The following DRC11 variants were observed in gnomAD, a reference collection of about 807,000 sequenced individuals.
The protein encoded by DRC11 is IQ and AAA domain-containing protein 1.
chr2:236,383,390 C>T, the DRC11 span, among the ~76,000 whole-genome samples: 2 of 152,092 alleles, frequency 1.3e-5, no homozygotes, highest in Admixed American at 1.3e-4. Context: ...AGAAAACCAG[C>T]TCTTAGTTTT....
the DRC11 span, among the ~76,000 whole-genome samples, chr2:236,476,461 T>A: frequency 2.0e-4 from 30 of 152,348 alleles, no homozygotes; most frequent in East Asian, 5.0e-3. This position sits in a 1 kb window ranked among gnomAD's most constrained non-coding sequence, Gnocchi z 4.7. Flanking sequence ...ACAGTTTTTT[T>A]ATGGAATCTT....
chr2:236,480,695 C>T, the DRC11 span, among the ~76,000 whole-genome samples: 1 of 152,196 alleles, frequency 6.6e-6, no homozygotes, highest in South Asian at 2.1e-4. Flanking sequence ...GATCTGATGG[C>T]ACACATGTTG....
the DRC11 span, among the ~76,000 whole-genome samples, chr2:236,479,590 A>C: frequency 6.6e-6 from 1 of 152,228 alleles, no homozygotes; most frequent in Non-Finnish European, 1.5e-5. The surrounding 1 kb of genome is among the most constrained non-coding windows in gnomAD (Gnocchi z 4.1). Flanking sequence ...TTGATCACAA[A>C]GAAAGGCATA....
the DRC11 span, chr2:236,419,230 T>G: frequency 6.5e-7 from 1 of 1,545,320 alleles, no homozygotes; most frequent in Non-Finnish European, 8.7e-7. This position sits in a 1 kb window ranked among gnomAD's most constrained non-coding sequence, Gnocchi z 4.8. Flanking sequence ...TCTTTTTGTT[T>G]TTTTCTTCTT....
chr2:236,335,132 C>T, the DRC11 span, among the ~76,000 whole-genome samples: 10 of 152,288 alleles, frequency 6.6e-5, no homozygotes, highest in Non-Finnish European at 1.0e-4. The surrounding 1 kb of genome is among the most constrained non-coding windows in gnomAD (Gnocchi z 5.6). Context: ...GGAGTGGGGC[C>T]GCGGGGACTG....
the DRC11 span, among the ~76,000 whole-genome samples, chr2:236,502,449 C>T: frequency 2.8e-5 from 4 of 144,708 alleles, no homozygotes; most frequent in African/African-American, 7.6e-5. Context: ...TGGTGGCAGG[C>T]GCCTGTAATC....
chr2:236,485,832 G>A, the DRC11 span, among the ~76,000 whole-genome samples: 1 of 152,194 alleles, frequency 6.6e-6, no homozygotes, highest in African/African-American at 2.4e-5. Flanking sequence ...GGCTCGGGCA[G>A]AGGAGTCAGC....
At chr2:236,504,201 G>GGGC in the DRC11 span, among the ~76,000 whole-genome samples, 14,098 of 150,646 alleles carry the variant, frequency 0.094, 1,928 homozygotes, top group African/African-American at 0.3. The surrounding 1 kb of genome is among the most constrained non-coding windows in gnomAD (Gnocchi z 5.0). Flanking sequence ...CACGGCGGTG[G>GGGC]GGGGGGGCGT....
At chr2:236,330,984 C>G in the DRC11 span, among the ~76,000 whole-genome samples, 2 of 152,138 alleles carry the variant, frequency 1.3e-5, no homozygotes, top group African/African-American at 4.8e-5. This position sits in a 1 kb window ranked among gnomAD's most constrained non-coding sequence, Gnocchi z 5.5. Context: ...ATTGTGGGCC[C>G]CAAACAGCAT....
chr2:236,448,603 C>T, the DRC11 span, among the ~76,000 whole-genome samples: 4 of 150,770 alleles, frequency 2.7e-5, no homozygotes, highest in South Asian at 2.1e-4. This position sits in a 1 kb window ranked among gnomAD's most constrained non-coding sequence, Gnocchi z 5.3. Flanking sequence ...CCCAAATTGC[C>T]GGGATTACAG....
chr2:236,357,951 A>G, the DRC11 span, among the ~76,000 whole-genome samples: 2 of 115,292 alleles, frequency 1.7e-5, no homozygotes, highest in Admixed American at 9.9e-5. Flanking sequence ...TATAATATAT[A>G]AATATATATA....
chr2:236,414,377 G>A, the DRC11 span, among the ~76,000 whole-genome samples: 3 of 152,182 alleles, frequency 2.0e-5, no homozygotes, highest in East Asian at 1.9e-4. Flanking sequence ...GTCCATGACC[G>A]ATTTTGAGTT....
At chr2:236,427,614 T>A in the DRC11 span, among the ~76,000 whole-genome samples, 617 of 152,252 alleles carry the variant, frequency 4.1e-3, 4 homozygotes, top group African/African-American at 0.014. The surrounding 1 kb of genome is among the most constrained non-coding windows in gnomAD (Gnocchi z 5.9). Flanking sequence ...CTTTCATTTT[T>A]AATTTTATTT....
At chr2:236,505,028 TC>T in the DRC11 span, among the ~76,000 whole-genome samples, 1 of 152,224 alleles carries the variant, frequency 6.6e-6, no homozygotes, top group African/African-American at 2.4e-5. Flanking sequence ...GTGAAAGTGT[TC>T]CTGGAATTTT....
At chr2:236,419,913 T>C in the DRC11 span, among the ~76,000 whole-genome samples, 2 of 152,214 alleles carry the variant, frequency 1.3e-5, no homozygotes, top group Non-Finnish European at 2.9e-5. The surrounding 1 kb of genome is among the most constrained non-coding windows in gnomAD (Gnocchi z 4.8). Context: ...GAGCACTCAC[T>C]CACTGCCATA....
the DRC11 span, among the ~76,000 whole-genome samples, chr2:236,309,210 G>C: frequency 6.6e-6 from 1 of 152,354 alleles, no homozygotes; most frequent in East Asian, 1.9e-4. This position sits in a 1 kb window ranked among gnomAD's most constrained non-coding sequence, Gnocchi z 5.7. Flanking sequence ...CCCCGAGGTT[G>C]TGCTGTGCCC....
chr2:236,414,271 T>G, the DRC11 span, among the ~76,000 whole-genome samples: 1 of 152,182 alleles, frequency 6.6e-6, no homozygotes, highest in African/African-American at 2.4e-5. Flanking sequence ...TGGATCCTGC[T>G]TCTGGTGTCC....
the DRC11 span, among the ~76,000 whole-genome samples, chr2:236,308,791 TGTGAATAGTGCTGCA>T: frequency 6.6e-6 from 1 of 152,228 alleles, no homozygotes; most frequent in Non-Finnish European, 1.5e-5. The surrounding 1 kb of genome is among the most constrained non-coding windows in gnomAD (Gnocchi z 6.0). Flanking sequence ...TCTTGACTAT[TGTGAATAGTGCTGCA>T]GTGAACACAG....
At chr2:236,492,193 C>T in the DRC11 span, among the ~76,000 whole-genome samples, 1 of 152,156 alleles carries the variant, frequency 6.6e-6, no homozygotes, top group African/African-American at 2.4e-5. Flanking sequence ...TTCTGTTATA[C>T]CAGCACAAAA....
Sources: allele counts gnomAD v4.1 joint callset (sites outside exome capture counted in the v4.1 genomes callset), GRCh38; gene constraint gnomAD v4.1.1; non-coding constraint Gnocchi (gnomAD v3.1); transcripts MANE v1.5; gene names NCBI Gene and HGNC (gene_info 2026-07-23, HGNC 2026-07-21).